Variants in CHL1 observed in about 807,000 individuals in gnomAD.
The protein encoded by CHL1 is neural cell adhesion molecule L1-like protein.
In CHL1, 96 loss-of-function variants were observed where a neutral mutation model predicts 141.9. That is an observed-to-expected ratio of 0.68 (90% CI 0.57 to 0.80). The LOEUF is 0.80. CHL1 is among the 30% of genes least tolerant of loss of function. CHL1 has a pLI of 0.00. For missense variants in CHL1, 1,820 were observed against 1,457.2 expected (o/e 1.25, Z -4.05); for synonymous variants, 613 against 502.2 (o/e 1.22, Z -2.95).
intron 8 of CHL1, 95 bp downstream of exon 8, chr3:343,126 A>G: frequency 1.1e-6 from 1 of 914,490 alleles, no homozygotes. Flanking sequence ...TAAGTTTATT[A>G]CAATACTGTT....
rs141508947 is a variant in CHL1 at position 265,039 on chromosome 3, C to T, written c.-95+20347C>T. On this transcript the variant is annotated intron_variant, in intron 2 of 27. Transcript: ENST00000256509. ...CAAACCTGTCTAATGTGCACTACTA[C>T]TCCCACACTACTACTGCTAAGGCAA... Among the ~76,000 whole-genome samples, 477 of 152,338 alleles carry T rather than the reference C, an allele frequency of 3.1e-3. 6 individuals carry two copies. Among genetic ancestry groups the T allele is most frequent in the African/African-American group, 0.011 (447 of 41,592 alleles).
At chr3:344,493 G>T in intron 8 of CHL1, 96 bp from the exon 9 acceptor site, 1 of 708,246 alleles carries the variant, frequency 1.4e-6, no homozygotes, top group South Asian at 1.8e-5. Context: ...ACACACACTC[G>T]TGTGTCGGAT....
At chr3:295,038 T>C (rs1242051406) in intron 2 of CHL1, among the ~76,000 whole-genome samples, 1 of 152,206 alleles carries the variant, frequency 6.6e-6, no homozygotes, top group Non-Finnish European at 1.5e-5. Flanking sequence ...CCTCCCTTTC[T>C]CCTTCTCCTC....
chr3:389,223 G>T (rs191916072), intron 19 of CHL1, 29 bp from the exon 20 acceptor site: 1 of 1,548,098 alleles, frequency 6.5e-7, no homozygotes, highest in African/African-American at 1.4e-5. Flanking sequence ...TCTGTGATCA[G>T]ACTAAATGAG....
chr3:227,774 C>T (rs1268282120), intron 1 of CHL1, among the ~76,000 whole-genome samples: 1 of 152,200 alleles, frequency 6.6e-6, no homozygotes, highest in Non-Finnish European at 1.5e-5. Context: ...CATCTTTCTA[C>T]TCCTTGAGAT....
At chr3:218,991 A>G (rs1700576404) in intron 1 of CHL1, among the ~76,000 whole-genome samples, 1 of 152,094 alleles carries the variant, frequency 6.6e-6, no homozygotes, top group Non-Finnish European at 1.5e-5. Context: ...AATAAAAAAT[A>G]CAAAAAAATT....
intron 2 of CHL1, among the ~76,000 whole-genome samples, chr3:245,545 T>G (rs1195036967): frequency 6.6e-6 from 1 of 152,166 alleles, no homozygotes; most frequent in Non-Finnish European, 1.5e-5. Context: ...AGTAATTTTT[T>G]TCTCAATGAT....
At chr3:316,214 T>C (rs547869115) in intron 2 of CHL1, among the ~76,000 whole-genome samples, 1 of 152,198 alleles carries the variant, frequency 6.6e-6, no homozygotes, top group Admixed American at 6.6e-5. Context: ...GGTCTATGTC[T>C]GCAGCTCTAT....
chr3:244,592 A>T (rs1320707387), intron 1 of CHL1, 21 bp from the exon 2 acceptor site: 1 of 152,220 alleles, frequency 6.6e-6, no homozygotes, highest in Non-Finnish European at 1.5e-5. Context: ...CCAAAATTAC[A>T]ACTTTCTAAT....
chr3:322,846 C>T (rs774717123), intron 3 of CHL1, among the ~76,000 whole-genome samples: 1 of 150,672 alleles, frequency 6.6e-6, no homozygotes, highest in East Asian at 1.9e-4. Context: ...TACTGGTAGT[C>T]AGGTGATATT....
intron 2 of CHL1, among the ~76,000 whole-genome samples, chr3:307,525 G>T (rs1699349374): frequency 6.6e-6 from 1 of 152,184 alleles, no homozygotes; most frequent in Non-Finnish European, 1.5e-5. Flanking sequence ...AAAAATGAAT[G>T]AAATCCTAAG....
At chr3:256,600 A>G (rs61476966) in intron 2 of CHL1, among the ~76,000 whole-genome samples, 8,582 of 152,254 alleles carry the variant, frequency 0.056, 786 homozygotes, top group African/African-American at 0.2. Context: ...CATGTTCTGC[A>G]ACACTCAGGA....
At chr3:267,534 G>A (rs1695260965) in intron 2 of CHL1, among the ~76,000 whole-genome samples, 1 of 152,078 alleles carries the variant, frequency 6.6e-6, no homozygotes, top group East Asian at 1.9e-4. Context: ...TTGATTTTAT[G>A]TTATTTTATT....
chr3:305,896 A>G (rs1301844284), intron 2 of CHL1, among the ~76,000 whole-genome samples: 1 of 152,102 alleles, frequency 6.6e-6, no homozygotes, highest in Non-Finnish European at 1.5e-5. Context: ...ATGGTACGTG[A>G]TGATAAAAAC....
chr3:265,699 G>A (rs1574906286), intron 2 of CHL1, among the ~76,000 whole-genome samples: 1 of 152,130 alleles, frequency 6.6e-6, no homozygotes, highest in Non-Finnish European at 1.5e-5. Flanking sequence ...GGAATGGGTG[G>A]GAGATGTCAG....
At chr3:229,145 C>T (rs1198956044) in intron 1 of CHL1, among the ~76,000 whole-genome samples, 1 of 152,140 alleles carries the variant, frequency 6.6e-6, no homozygotes, top group Non-Finnish European at 1.5e-5. Context: ...GGGGACTCTG[C>T]TTTCTATTTT....
At chr3:337,848 T>A (rs9883818) in intron 5 of CHL1, among the ~76,000 whole-genome samples, 5,013 of 152,288 alleles carry the variant, frequency 0.033, 284 homozygotes, top group African/African-American at 0.12. Context: ...TGCATGTGTC[T>A]TCATAGCAGC....
intron 1 of CHL1, among the ~76,000 whole-genome samples, chr3:236,160 T>G (rs1178903411): frequency 6.6e-6 from 1 of 152,186 alleles, no homozygotes; most frequent in Non-Finnish European, 1.5e-5. Flanking sequence ...TCTACTGTGA[T>G]GAATTGGCTA....
intron 12 of CHL1, 90 bp downstream of exon 12, chr3:360,514 T>G (rs1361371857): frequency 7.8e-7 from 1 of 1,280,632 alleles, no homozygotes; most frequent in Non-Finnish European, 1.1e-6. Flanking sequence ...TCTTGACACA[T>G]AATATATGGA....
Sources: allele counts gnomAD v4.1 joint callset (sites outside exome capture counted in the v4.1 genomes callset), GRCh38; gene constraint gnomAD v4.1.1; transcripts MANE v1.5; gene names NCBI Gene and HGNC (gene_info 2026-07-23, HGNC 2026-07-21).